Variants in TMEM229B observed in about 807,000 individuals in gnomAD.
The protein encoded by TMEM229B is transmembrane protein 229B.
Under a neutral mutation model 13.7 loss-of-function variants are expected in TMEM229B, and 6 were observed. The observed-to-expected ratio is 0.44, with a 90% CI of 0.24 to 0.86. The LOEUF (loss-of-function observed/expected upper bound fraction) is 0.86, where lower values mean the gene tolerates loss of function less well. TMEM229B is among the 40% of genes least tolerant of loss of function. The probability of loss-of-function intolerance (pLI) is 0.23; values close to 1 mark genes in which losing one functional copy is unlikely to be tolerated. For synonymous variants in TMEM229B, 107 were observed against 102.1 expected (o/e 1.05, Z -0.29); for missense variants, 170 against 236.0 (o/e 0.72, Z 1.83).
intron 1 of TMEM229B, among the ~76,000 whole-genome samples, chr14:67,508,482 T>G (rs1056125022): frequency 6.6e-6 from 1 of 152,100 alleles, no homozygotes; most frequent in Non-Finnish European, 1.5e-5. Context: ...CCTGACCCCT[T>G]GCACACTGTT....
At chr14:67,474,024 G>A (rs2030993432) in intron 2 of TMEM229B, 83 bp from the exon 3 acceptor site, 3 of 1,404,776 alleles carry the variant, frequency 2.1e-6, no homozygotes, top group East Asian at 2.5e-5. Flanking sequence ...AGGCCGAGGC[G>A]GCGGATCACT....
At chr14:67,508,183 A>G (rs2032897404) in intron 1 of TMEM229B, among the ~76,000 whole-genome samples, 1 of 150,622 alleles carries the variant, frequency 6.6e-6, no homozygotes, top group South Asian at 2.1e-4. Context: ...CCTTCTTGAG[A>G]AGGGACTTCC....
upstream of TMEM229B, among the ~76,000 whole-genome samples, chr14:67,515,835 A>AC (rs5809351): frequency 1 from 152,368 of 152,368 alleles, 76,184 homozygotes; most frequent in Non-Finnish European, 1. Flanking sequence ...AGCACTGTGG[A>AC]CCTGCGGTCA....
Position 67,472,841 on chromosome 14 carries a change from G to A in TMEM229B, c.*579C>T, listed in dbSNP as rs2030851508. ...CCAGAAGGCCAAGGGAGCAGCGCAG[G>A]GCCCTGGGGGAGGGGAGAGGAGCCA... On this transcript the variant is annotated 3_prime_UTR_variant, in exon 3 of 3. Coordinates refer to ENST00000554480, the MANE Select transcript of TMEM229B (RefSeq NM_001348543.2). The A allele has an allele frequency of 6.3e-6, 1 of 158,340 alleles. No homozygotes were observed. Among genetic ancestry groups the A allele is most frequent in the Non-Finnish European group, 1.4e-5 (1 of 71,576 alleles). 9.8% of individuals were successfully genotyped at this position (158,340 alleles called of 1,614,324 possible).
intron 1 of TMEM229B, among the ~76,000 whole-genome samples, chr14:67,530,704 A>G (rs1416042153): frequency 1.3e-5 from 2 of 152,194 alleles, no homozygotes; most frequent in Non-Finnish European, 2.9e-5. Flanking sequence ...AGTTTTCAAA[A>G]CATGGAGTTG....
chr14:67,526,815 G>A (rs1177804839), intron 1 of TMEM229B, among the ~76,000 whole-genome samples: 2 of 151,978 alleles, frequency 1.3e-5, no homozygotes, highest in African/African-American at 4.8e-5. Flanking sequence ...CATGTCCAGG[G>A]CTTCCATACT....
At chr14:67,514,350 C>CT (rs1319933683) in intron 1 of TMEM229B, among the ~76,000 whole-genome samples, 1 of 152,134 alleles carries the variant, frequency 6.6e-6, no homozygotes, top group African/African-American at 2.4e-5. Context: ...AGGCCAATGT[C>CT]TCCCTGCCCT....
chr14:67,496,390 C>CTTTTTT (rs1566688452), intron 1 of TMEM229B, among the ~76,000 whole-genome samples: 3 of 27,630 alleles, frequency 1.1e-4, no homozygotes, highest in African/African-American at 2.5e-4. Context: ...ACTGCTCCGG[C>CTTTTTT]GTTTTTTTTT....
intron 1 of TMEM229B, among the ~76,000 whole-genome samples, chr14:67,525,440 C>T (rs555751957): frequency 2.9e-4 from 44 of 152,266 alleles, no homozygotes; most frequent in Non-Finnish European, 4.1e-4. Context: ...TCCTAATTGA[C>T]GGACATTTCA....
chr14:67,485,744 C>G (rs1351715403), intron 2 of TMEM229B, among the ~76,000 whole-genome samples: 2 of 152,330 alleles, frequency 1.3e-5, no homozygotes, highest in African/African-American at 4.8e-5. Flanking sequence ...AAGCCAGGGG[C>G]TGAGGCTGGA....
At chr14:67,517,263 C>A (rs566536106), upstream of TMEM229B, among the ~76,000 whole-genome samples, 4 of 152,176 alleles carry the variant, frequency 2.6e-5, no homozygotes, top group South Asian at 8.3e-4. Flanking sequence ...TAGCTGTGGC[C>A]GGCGGCTGGC....
chr14:67,470,301 C>A lies in TMEM229B; in HGVS notation c.*3119G>T, dbSNP rs1178255569. 6.6e-6 allele frequency: 1 copy of A among 152,218 alleles called. No individual in the cohort carries two copies. The highest frequency in any genetic ancestry group is 2.1e-4 in the South Asian group (1 of 4,826). The allele number at this position is 152,218 out of a possible 1,614,324, so 9.4% of individuals were successfully genotyped here. On this transcript the variant is annotated 3_prime_UTR_variant, in exon 3 of 3. Coordinates refer to ENST00000554480, the MANE Select transcript of TMEM229B (RefSeq NM_001348543.2). Reference sequence around the variant, plus strand: ...CAAACACCAGTATATTTTATGTGCACAAATGTGAAAAGGAAGAGACAGAGG... The same window carrying A: ...CAAACACCAGTATATTTTATGTGCAAAAATGTGAAAAGGAAGAGACAGAGG...
At chr14:67,511,098 C>T (rs190401696) in intron 1 of TMEM229B, among the ~76,000 whole-genome samples, 7 of 152,242 alleles carry the variant, frequency 4.6e-5, no homozygotes, top group East Asian at 3.9e-4. Flanking sequence ...CCAATGGAAA[C>T]GGATCATTCC....
At chr14:67,491,487 T>G (rs897290392), upstream of TMEM229B, among the ~76,000 whole-genome samples, 3 of 152,130 alleles carry the variant, frequency 2.0e-5, no homozygotes, top group Non-Finnish European at 4.4e-5. Flanking sequence ...TAGCATAAAC[T>G]CAGGTGTTAT....
At chr14:67,531,829 G>GC (rs1488099900) in intron 1 of TMEM229B, among the ~76,000 whole-genome samples, 1 of 143,446 alleles carries the variant, frequency 7.0e-6, no homozygotes, top group Admixed American at 7.1e-5. Context: ...GATTGCTTGA[G>GC]CCCAGGAGTT....
Position 67,470,415 on chromosome 14 carries a change from C to T in TMEM229B, c.*3005G>A, listed in dbSNP as rs987855708. ...TGCCCAACTGGGAGACAGTCCCACC[C>T]ACCTCAAAGGCCCTTTAGCAGAGCT... On this transcript the variant is annotated 3_prime_UTR_variant, in exon 3 of 3. Coordinates refer to ENST00000554480, the MANE Select transcript of TMEM229B (RefSeq NM_001348543.2). 4 of 152,252 alleles carry T rather than the reference C, an allele frequency of 2.6e-5. No individual in the cohort carries two copies. Among genetic ancestry groups the T allele is most frequent in the African/African-American group, 4.8e-5 (2 of 41,454 alleles). The allele number at this position is 152,252 out of a possible 1,614,324, so 9.4% of individuals were successfully genotyped here. A position where few individuals can be genotyped will look rare whatever the true frequency, so the allele number is the denominator to read the frequency against.
At position 67,473,561 on chromosome 14, in the gene TMEM229B, G is replaced by A. The variant is rs761336243; in HGVS notation, c.363C>T (p.Ala121=). 6.2e-6 allele frequency: 10 copies of A among 1,613,552 alleles called. No individual in the cohort carries two copies. Among genetic ancestry groups the A allele is most frequent in the Middle Eastern group, 1.6e-4 (1 of 6,062 alleles). Residue 121 remains alanine, a synonymous_variant, in exon 3 of 3, where the codon GCC becomes GCT. Transcript: ENST00000554480. The surrounding 1 kb of genome is among the most constrained non-coding windows in gnomAD (Gnocchi z 6.5). The part of the protein sequence containing the change: ...DFMGLITLEY[A]VPWFCGALIM... Reference sequence around the variant, plus strand: ...TGAGGGCCCCGCAGAACCAGGGCACGGCGTACTCCAGGGTGATGAGGCCCA... The same window carrying A: ...TGAGGGCCCCGCAGAACCAGGGCACAGCGTACTCCAGGGTGATGAGGCCCA...
At chr14:67,480,374 C>G (rs940593353) in intron 2 of TMEM229B, among the ~76,000 whole-genome samples, 4 of 152,158 alleles carry the variant, frequency 2.6e-5, no homozygotes, top group African/African-American at 9.7e-5. Context: ...CCACAGACAT[C>G]CCGGGAGACT....
chr14:67,498,108 G>A (rs1449645557), intron 1 of TMEM229B, among the ~76,000 whole-genome samples: 2 of 152,114 alleles, frequency 1.3e-5, no homozygotes. Context: ...TCCTCTGTAA[G>A]ACCAAGAATG....
Sources: gnomAD v4.1 joint callset for allele counts (sites outside exome capture counted in the v4.1 genomes callset) on GRCh38, gnomAD v4.1.1 for gene constraint, Gnocchi (gnomAD v3.1) non-coding constraint, MANE v1.5 for transcripts, NCBI Gene and HGNC (gene_info 2026-07-23, HGNC 2026-07-21) for gene names.